POLR3G: variants seen among roughly 807,000 people sequenced by gnomAD.
POLR3G encodes DNA-directed RNA polymerase III subunit RPC7.
A neutral mutation model predicts 30.1 loss-of-function variants in POLR3G; 28 were observed. That is an observed-to-expected ratio of 0.93 (90% CI 0.69 to 1.27). The LOEUF is 1.27. Among genes scored for constraint, POLR3G ranks in the 50% most tolerant of loss-of-function variants. POLR3G has a pLI of 0.00. For missense variants in POLR3G, 254 were observed against 264.6 expected (o/e 0.96, Z 0.28); for synonymous variants, 79 against 82.5 (o/e 0.96, Z 0.23).
At chr5:90,504,868 G>T (rs1388943269) in intron 6 of POLR3G, among the ~76,000 whole-genome samples, 2 of 152,150 alleles carry the variant, frequency 1.3e-5, no homozygotes, top group East Asian at 3.8e-4. Flanking sequence ...CAAAGGGATT[G>T]CCAGTTGGAA....
upstream of POLR3G, chr5:90,474,628 A>G: frequency 3.0e-6 from 1 of 331,926 alleles, no homozygotes; most frequent in East Asian, 9.5e-5. Context: ...ATGGAGACTC[A>G]GGTGGCGACC....
In POLR3G at chr5:90,487,378, A is replaced by ATTTTTTTTTTTTTTTT. The variant is rs59951999; in HGVS notation, c.118-608_118-593dup. Among the ~76,000 whole-genome samples the ATTTTTTTTTTTTTTTT allele has an allele frequency of 1.1e-3, 63 of 57,034 alleles. 8 individuals are homozygous for ATTTTTTTTTTTTTTTT. Among genetic ancestry groups the ATTTTTTTTTTTTTTTT allele is most frequent in the African/African-American group, 4.7e-3 (59 of 12,640 alleles). 37.4% of individuals were successfully genotyped at this position (57,034 alleles called of 152,430 possible). The stretch of plus-strand genomic sequence containing the variant: ...TTTTCTTTTTTTTTTTGGTACATTA[A>ATTTTTTTTTTTTTTTT]TTTTTTTTTTTTTTTTTTTTTTTTT... On this transcript the variant is annotated intron_variant, in intron 2 of 7. Coordinates refer to ENST00000651687, the MANE Select transcript of POLR3G (RefSeq NM_006467.3).
chr5:90,478,305 A>G (rs1229173324), intron 1 of POLR3G, among the ~76,000 whole-genome samples: 9 of 152,164 alleles, frequency 5.9e-5, no homozygotes, highest in Non-Finnish European at 1.2e-4. Flanking sequence ...GGAAGGGGCA[A>G]TGCTACTGAT....
intron 1 of POLR3G, among the ~76,000 whole-genome samples, chr5:90,484,917 A>G (rs994090110): frequency 6.6e-6 from 1 of 152,210 alleles, no homozygotes; most frequent in South Asian, 2.1e-4. Context: ...CAAACGTTCA[A>G]TACAACTTGC....
intron 1 of POLR3G, among the ~76,000 whole-genome samples, chr5:90,483,225 G>A (rs759987839): frequency 1.5e-4 from 23 of 150,582 alleles, no homozygotes; most frequent in Non-Finnish European, 3.1e-4. Context: ...CCGGTCTCCC[G>A]CACAGCCAGC....
chr5:90,496,379 C>G (rs1201544786), intron 4 of POLR3G, among the ~76,000 whole-genome samples: 1 of 152,230 alleles, frequency 6.6e-6, no homozygotes, highest in Non-Finnish European at 1.5e-5. Flanking sequence ...AGCACAAATA[C>G]TATGCTCCTG....
At position 90,513,576 on chromosome 5, in the gene POLR3G, T is replaced by A. The variant is rs1013399558; in HGVS notation, c.*1437T>A. ...AATATATTGTAATCTGATTTTCCTA[T>A]CTTGTATTCATGCAGAAAATTGGAG... On this transcript the variant is annotated 3_prime_UTR_variant, in exon 8 of 8. Coordinates refer to ENST00000651687, the MANE Select transcript of POLR3G (RefSeq NM_006467.3). 7 of 152,450 alleles carry A rather than the reference T, an allele frequency of 4.6e-5. No individual in the cohort carries two copies. The highest frequency in any genetic ancestry group is 1.4e-4 in the African/African-American group (6 of 41,450). 9.4% of individuals were successfully genotyped at this position (152,450 alleles called of 1,614,324 possible). A position where few individuals can be genotyped will look rare whatever the true frequency, so the allele number is the denominator to read the frequency against.
intron 6 of POLR3G, among the ~76,000 whole-genome samples, chr5:90,506,183 C>T (rs910321822): frequency 6.6e-6 from 1 of 152,064 alleles, no homozygotes; most frequent in Non-Finnish European, 1.5e-5. Context: ...GAGCCGAGAT[C>T]GTGGCACTGC....
chr5:90,474,280 C>T, upstream of POLR3G: 1 of 1,613,084 alleles, frequency 6.2e-7, no homozygotes, highest in Middle Eastern at 1.7e-4. Context: ...GCGTACCACT[C>T]GAGCGCCGAC....
chr5:90,474,819 G>GGTGGGGCCTTCCTAGGGA (rs1480082102), upstream of POLR3G: 8 of 178,762 alleles, frequency 4.5e-5, no homozygotes, highest in African/African-American at 1.9e-4. Flanking sequence ...TTGCCGAGGG[G>GGTGGGGCCTTCCTAGGGA]GTGGGGCCTT....
intron 7 of POLR3G, 129 bp from the exon 8 acceptor site, chr5:90,511,924 C>A: frequency 3.2e-6 from 2 of 634,134 alleles, no homozygotes; most frequent in Admixed American, 2.8e-5. Context: ...AAGAAAGCGG[C>A]ACAGGTAAAC....
At chr5:90,481,227 C>T (rs1561246777) in intron 1 of POLR3G, among the ~76,000 whole-genome samples, 1 of 151,872 alleles carries the variant, frequency 6.6e-6, no homozygotes, top group South Asian at 2.1e-4. Flanking sequence ...TAGACCAACA[C>T]CTGAACCCAT....
upstream of POLR3G, chr5:90,474,167 C>T (rs1255728891): frequency 6.2e-7 from 1 of 1,602,042 alleles, no homozygotes; most frequent in East Asian, 2.2e-5. Flanking sequence ...TATCGATCAC[C>T]ACGTCCTGCT....
At chr5:90,477,063 C>G (rs1249196390) in intron 1 of POLR3G, among the ~76,000 whole-genome samples, 2 of 152,130 alleles carry the variant, frequency 1.3e-5, no homozygotes, top group East Asian at 1.9e-4. Flanking sequence ...AAGAGGCTCC[C>G]TGGGAGACAG....
intron 2 of POLR3G, 22 bp from the exon 3 acceptor site, chr5:90,487,978 C>CT: frequency 6.6e-7 from 1 of 1,508,294 alleles, no homozygotes; most frequent in Non-Finnish European, 8.8e-7. Flanking sequence ...TGAAAAAAAT[C>CT]TTTGTCTCTT....
At chr5:90,487,945 G>T in intron 2 of POLR3G, 55 bp from the exon 3 acceptor site, 1 of 1,385,560 alleles carries the variant, frequency 7.2e-7, no homozygotes, top group East Asian at 2.5e-5. Flanking sequence ...AGATAAAAGG[G>T]ATATTAAAAT....
At chr5:90,484,146 A>T (rs1751291047) in intron 1 of POLR3G, among the ~76,000 whole-genome samples, 1 of 152,240 alleles carries the variant, frequency 6.6e-6, no homozygotes, top group South Asian at 2.1e-4. Context: ...CAGTTCAGTG[A>T]TTCACAGAAC....
intron 1 of POLR3G, among the ~76,000 whole-genome samples, chr5:90,479,476 A>G (rs1477624811): frequency 6.6e-6 from 1 of 152,206 alleles, no homozygotes; most frequent in African/African-American, 2.4e-5. Flanking sequence ...CCATCTCGGG[A>G]AAAAACAAAC....
At chr5:90,493,431 G>A (rs557759578) in intron 3 of POLR3G, among the ~76,000 whole-genome samples, 2 of 151,936 alleles carry the variant, frequency 1.3e-5, no homozygotes, top group East Asian at 3.9e-4. Flanking sequence ...ATTTTTTGTA[G>A]AGATGGGGGT....
Sources: gnomAD v4.1 joint callset for allele counts (sites outside exome capture counted in the v4.1 genomes callset) on GRCh38, gnomAD v4.1.1 for gene constraint, MANE v1.5 for transcripts, NCBI Gene and HGNC (gene_info 2026-07-23, HGNC 2026-07-21) for gene names.